KIAA0930: variants seen among roughly 807,000 people sequenced by gnomAD.
KIAA0930 encodes KIAA0930.
Under a neutral mutation model 43.9 loss-of-function variants are expected in KIAA0930, and 24 were observed. The ratio of observed to expected loss-of-function variants is 0.55; its 90% confidence interval spans 0.40 to 0.77. The LOEUF (loss-of-function observed/expected upper bound fraction) is 0.77. Ranked by LOEUF, KIAA0930 falls within the 30% of genes least tolerant of loss-of-function variation. The pLI is 0.00. For synonymous variants in KIAA0930, 259 were observed against 216.4 expected (o/e 1.20, Z -1.73); for missense variants, 461 against 574.2 (o/e 0.80, Z 2.02).
intron 1 of KIAA0930, among the ~76,000 whole-genome samples, chr22:45,221,286 A>G (rs931566580): frequency 1.3e-4 from 20 of 152,370 alleles, no homozygotes; most frequent in African/African-American, 4.6e-4. Flanking sequence ...AAGTCCAGAG[A>G]GAAAATATCT....
intron 1 of KIAA0930, among the ~76,000 whole-genome samples, chr22:45,219,038 G>A (rs1445619582): frequency 2.1e-5 from 3 of 144,756 alleles, no homozygotes; most frequent in East Asian, 4.1e-4. Flanking sequence ...GATGCACACT[G>A]AAAAGGGAAA....
chr22:45,206,552 T>C (rs1365972937), intron 2 of KIAA0930, among the ~76,000 whole-genome samples: 1 of 152,232 alleles, frequency 6.6e-6, no homozygotes, highest in Non-Finnish European at 1.5e-5. Context: ...ATTTTACAAA[T>C]TATTAATCCT....
At chr22:45,235,695 C>A (rs927543932) in intron 1 of KIAA0930, among the ~76,000 whole-genome samples, 17 of 152,234 alleles carry the variant, frequency 1.1e-4, no homozygotes, top group African/African-American at 3.9e-4. Flanking sequence ...CGACTCCACA[C>A]CAGGGATTTG....
At chr22:45,211,549 G>A in intron 2 of KIAA0930, 2 of 444,322 alleles carry the variant, frequency 4.5e-6, no homozygotes, top group Admixed American at 7.8e-5. Context: ...TAAGTGGAAG[G>A]CACCGTCATC....
At chr22:45,202,882 G>C in intron 7 of KIAA0930, 108 bp downstream of exon 7, 1 of 926,232 alleles carries the variant, frequency 1.1e-6, no homozygotes, top group Non-Finnish European at 1.6e-6. Context: ...CGCACTGGTG[G>C]TTGGGGATGA....
chr22:45,211,522 T>C (rs1365409612), intron 2 of KIAA0930: 1 of 444,038 alleles, frequency 2.3e-6, no homozygotes, highest in East Asian at 3.3e-5. Context: ...TGTGTCTAGA[T>C]GATGGCGAGG....
intron 2 of KIAA0930, among the ~76,000 whole-genome samples, chr22:45,208,213 TGTGTC>T (rs1373322145): frequency 6.6e-6 from 1 of 151,906 alleles, no homozygotes; most frequent in African/African-American, 2.4e-5. Flanking sequence ...TACAACCACC[TGTGTC>T]AACAGGCATG....
intron 1 of KIAA0930, among the ~76,000 whole-genome samples, chr22:45,216,983 A>G (rs2083737113): frequency 6.6e-6 from 1 of 152,238 alleles, no homozygotes; most frequent in African/African-American, 2.4e-5. Flanking sequence ...GTCCTAAGGC[A>G]AATACAAGGT....
At chr22:45,212,183 G>A (rs1459872641) in intron 1 of KIAA0930, 76 bp from the exon 2 acceptor site, 23 of 1,612,924 alleles carry the variant, frequency 1.4e-5, no homozygotes, top group Admixed American at 3.3e-5. Context: ...GCCAAGCTGC[G>A]CCCATACCCC....
In KIAA0930 at chr22:45,234,644, A is replaced by T. The variant is rs191346368; in HGVS notation, c.64+5996T>A. Among the ~76,000 whole-genome samples the T allele has an allele frequency of 5.9e-5, 9 of 152,332 alleles. No individual in the cohort carries two copies. In the East Asian group the frequency reaches 1.5e-3, roughly 26 times the overall value. On this transcript the variant is annotated intron_variant, in intron 1 of 9. Transcript: ENST00000336156. ...TGGCCAGCTTAAAGACATAATCCAA[A>T]TACAGACACCTTTGCACGTATAAAA...
Position 45,196,273 on chromosome 22 carries a change from G to A in KIAA0930, c.*903C>T, listed in dbSNP as rs1275590148. On this transcript the variant is annotated 3_prime_UTR_variant, in exon 10 of 10. Transcript: ENST00000336156. This position sits in a 1 kb window ranked among gnomAD's most constrained non-coding sequence, Gnocchi z 4.1. ...ACCAACACACGCCGTCAAAGGAAGTGAGTTCTAGGAAACCAGGGAAGATGA... is the reference window on the plus strand; with the variant it reads ...ACCAACACACGCCGTCAAAGGAAGTAAGTTCTAGGAAACCAGGGAAGATGA... The A allele has an allele frequency of 6.6e-6, 1 of 152,276 alleles. No homozygotes were observed. Among genetic ancestry groups the A allele is most frequent in the Non-Finnish European group, 1.5e-5 (1 of 68,100 alleles). 9.4% of individuals were successfully genotyped at this position (152,276 alleles called of 1,614,324 possible).
At position 45,240,777 on chromosome 22, in the gene KIAA0930, G is replaced by A; in HGVS notation, c.-74C>T. ...GGCGGCGGCGGCGGGGAGGGCGGGC[G>A]GCCCGGCCCGCAGCCCGCCGCGAGC... On this transcript the variant is annotated 5_prime_UTR_variant, in exon 1 of 10. Transcript: ENST00000336156. The A allele has an allele frequency of 5.8e-6, 1 of 172,746 alleles. No individual in the cohort carries two copies. Among genetic ancestry groups the A allele is most frequent in the African/African-American group, 3.0e-4 (1 of 3,364 alleles). 10.7% of individuals were successfully genotyped at this position (172,746 alleles called of 1,614,324 possible).
At chr22:45,240,502 G>A (rs1340759015) in intron 1 of KIAA0930, 138 bp downstream of exon 1, 3 of 551,714 alleles carry the variant, frequency 5.4e-6, no homozygotes, top group East Asian at 3.7e-5. Context: ...GGAAGACAGG[G>A]TACCCAGGCA....
chr22:45,232,228 C>T (rs2083858414), intron 1 of KIAA0930, among the ~76,000 whole-genome samples: 1 of 152,176 alleles, frequency 6.6e-6, no homozygotes, highest in African/African-American at 2.4e-5. Context: ...CAGGGCAGCA[C>T]TTCTCTATTA....
chr22:45,235,115 C>T (rs1413076645), intron 1 of KIAA0930: 4 of 152,006 alleles, frequency 2.6e-5, no homozygotes, highest in Admixed American at 6.6e-5. Flanking sequence ...CTCCCCAGCT[C>T]GATGAAGGAG....
chr22:45,192,527 TTTAA>T lies in KIAA0930; in HGVS notation c.*4645_*4648del, dbSNP rs1174008537. ...GAATCTCAACAGGTTTTCTTACAGA[TTTAA>T]TTACTCTCACACAAATAATTCATTT... On this transcript the variant is annotated 3_prime_UTR_variant, in exon 10 of 10. Coordinates refer to ENST00000336156, the MANE Select transcript of KIAA0930 (RefSeq NM_001009880.2). 6.6e-6 allele frequency: 1 copy of T among 152,246 alleles called. No homozygotes were observed. The highest frequency in any genetic ancestry group is 1.5e-5 in the Non-Finnish European group (1 of 68,044). 9.4% of individuals were successfully genotyped at this position (152,246 alleles called of 1,614,324 possible).
At position 45,195,631 on chromosome 22, in the gene KIAA0930, CCCA is replaced by C. The variant is rs1212459448; in HGVS notation, c.*1542_*1544del. 6.6e-6 allele frequency: 1 copy of C among 152,160 alleles called. No homozygotes were observed. Among genetic ancestry groups the C allele is most frequent in the Non-Finnish European group, 1.5e-5 (1 of 68,126 alleles). The allele number at this position is 152,160 out of a possible 1,614,324, so 9.4% of individuals were successfully genotyped here. A position where few individuals can be genotyped will look rare whatever the true frequency, so the allele number is the denominator to read the frequency against. On this transcript the variant is annotated 3_prime_UTR_variant, in exon 10 of 10. Transcript: ENST00000336156. ...GGGGGAGAGAGAAAGTTCACATCCCCCCACCAAGCACGGTCTCAGATTAGGTTA... is the reference window on the plus strand; with the variant it reads ...GGGGGAGAGAGAAAGTTCACATCCCCCCAAGCACGGTCTCAGATTAGGTTA...
chr22:45,218,399 G>A lies in KIAA0930; in HGVS notation c.65-6292C>T, dbSNP rs962957811. 5.5e-5 allele frequency among the ~76,000 whole-genome samples: 7 copies of A among 127,262 alleles called. 1 individual carries two copies. Among genetic ancestry groups the A allele is most frequent in the Non-Finnish European group, 9.3e-5 (6 of 64,434 alleles). The allele number at this position is 127,262 out of a possible 152,430, so 83.5% of individuals were successfully genotyped here. On this transcript the variant is annotated intron_variant, in intron 1 of 9. Transcript: ENST00000336156. ...GGGTTTCACCATGTTGGCCAGGCTGGTCTCAAACTCCTGACCTCAGGTGAT... is the reference window on the plus strand; with the variant it reads ...GGGTTTCACCATGTTGGCCAGGCTGATCTCAAACTCCTGACCTCAGGTGAT...
intron 4 of KIAA0930, 128 bp from the exon 5 acceptor site, chr22:45,205,446 T>C (rs1392490789): frequency 2.2e-6 from 2 of 920,626 alleles, no homozygotes; most frequent in African/African-American, 3.3e-5. Context: ...TACCAGGAGA[T>C]GTGGGGGATA....
Sources: gnomAD v4.1 joint callset for allele counts (sites outside exome capture counted in the v4.1 genomes callset) on GRCh38, gnomAD v4.1.1 for gene constraint, Gnocchi (gnomAD v3.1) non-coding constraint, MANE v1.5 for transcripts, NCBI Gene and HGNC (gene_info 2026-07-23, HGNC 2026-07-21) for gene names.